The following TLE4 variants were observed in gnomAD, a reference collection of about 807,000 sequenced individuals.
The protein encoded by TLE4 is TLE family member 4, transcriptional corepressor.
TLE4 carries 8 observed loss-of-function variants against 92.8 expected under a neutral mutation model. That is an observed-to-expected ratio of 0.09 (90% CI 0.05 to 0.16). The LOEUF (loss-of-function observed/expected upper bound fraction) is 0.16. Ranked by LOEUF, TLE4 falls within the 10% of genes least tolerant of loss-of-function variation. The probability of loss-of-function intolerance (pLI) is 1.00; values close to 1 mark genes in which losing one functional copy is unlikely to be tolerated. For synonymous variants in TLE4, 371 were observed against 374.1 expected (o/e 0.99, Z 0.10); for missense variants, 675 against 997.6 (o/e 0.68, Z 4.36).
chr9:79,617,868 A>C (rs1180368310), intron 5 of TLE4, among the ~76,000 whole-genome samples: 1 of 151,482 alleles, frequency 6.6e-6, no homozygotes, highest in Non-Finnish European at 1.5e-5. Flanking sequence ...TCTCTCATGT[A>C]ATAGTAACAG....
intron 6 of TLE4, among the ~76,000 whole-genome samples, chr9:79,638,027 C>T (rs761770090): frequency 1.2e-4 from 18 of 152,196 alleles, no homozygotes; most frequent in Middle Eastern, 6.8e-3. Flanking sequence ...AATATTTGCC[C>T]GTAGCAGCGT....
chr9:79,638,316 T>TC (rs1377913555), intron 6 of TLE4, among the ~76,000 whole-genome samples: 5 of 152,158 alleles, frequency 3.3e-5, no homozygotes, highest in Admixed American at 2.6e-4. Flanking sequence ...GCTCTATACT[T>TC]CTCTGCTTCT....
chr9:79,696,719 G>A (rs1198015441), intron 8 of TLE4, among the ~76,000 whole-genome samples: 1 of 152,116 alleles, frequency 6.6e-6, no homozygotes, highest in Non-Finnish European at 1.5e-5. Context: ...CTAAAATGAA[G>A]ATTCTGGTCC....
rs1379028647 is a variant in TLE4 at position 79,635,183 on chromosome 9, A to C, written c.390+7735A>C. On this transcript the variant is annotated intron_variant, in intron 6 of 19. Coordinates refer to ENST00000376552, the MANE Select transcript of TLE4 (RefSeq NM_007005.6). Reference sequence around the variant, plus strand: ...ATTTTAGCCATCCTAATAGGTGCATAATAGTACTTACTGTGTTTTTTATGC... The same window carrying C: ...ATTTTAGCCATCCTAATAGGTGCATCATAGTACTTACTGTGTTTTTTATGC... Among the ~76,000 whole-genome samples the C allele has an allele frequency of 3.3e-5, 5 of 152,164 alleles. No individual in the cohort carries two copies. In the East Asian group the frequency reaches 9.6e-4, roughly 29 times the overall value.
At chr9:79,642,328 G>A (rs1341651879) in intron 6 of TLE4, among the ~76,000 whole-genome samples, 2 of 151,920 alleles carry the variant, frequency 1.3e-5, no homozygotes, top group African/African-American at 4.8e-5. Context: ...TAATCATAGG[G>A]CACCACAGCC....
intron 15 of TLE4, 80 bp downstream of exon 15, chr9:79,719,051 C>T: frequency 6.5e-7 from 1 of 1,529,310 alleles, no homozygotes; most frequent in Non-Finnish European, 8.8e-7. Flanking sequence ...TATGTATGAG[C>T]AACACCACAC....
chr9:79,680,587 C>G (rs1026833953), intron 8 of TLE4, among the ~76,000 whole-genome samples: 11 of 152,208 alleles, frequency 7.2e-5, no homozygotes, highest in Non-Finnish European at 1.0e-4. Context: ...GAGGATTTGA[C>G]TTCCTCTTTT....
intron 6 of TLE4, among the ~76,000 whole-genome samples, chr9:79,642,626 A>G (rs1483755161): frequency 5.3e-5 from 8 of 152,292 alleles, no homozygotes; most frequent in Non-Finnish European, 1.0e-4. Context: ...TTTGCTTAGA[A>G]GTACAATTAC....
Position 79,635,358 on chromosome 9 carries a change from T to C in TLE4, c.390+7910T>C, listed in dbSNP as rs373347363. On this transcript the variant is annotated intron_variant, in intron 6 of 19. Transcript: ENST00000376552. ...CTTTAATTTTCTGGATTTTTTTGTGTATTTTGTAATTCTCCCAATCTATAG... is the reference window on the plus strand; with the variant it reads ...CTTTAATTTTCTGGATTTTTTTGTGCATTTTGTAATTCTCCCAATCTATAG... Among the ~76,000 whole-genome samples the C allele has an allele frequency of 1.0e-3, 152 of 152,218 alleles. No individual in the cohort carries two copies. In the Middle Eastern group the frequency reaches 0.02, roughly 20 times the overall value.
At chr9:79,599,059 CTT>C (rs898538743) in intron 4 of TLE4, among the ~76,000 whole-genome samples, 40 of 152,286 alleles carry the variant, frequency 2.6e-4, no homozygotes, top group African/African-American at 7.9e-4. Flanking sequence ...TTATAAATCT[CTT>C]CTTTCCGTCC....
At chr9:79,643,160 C>A (rs957137246) in intron 6 of TLE4, among the ~76,000 whole-genome samples, 1 of 152,176 alleles carries the variant, frequency 6.6e-6, no homozygotes, top group African/African-American at 2.4e-5. Context: ...AATAGTAGAG[C>A]AAACACTGTA....
Position 79,629,620 on chromosome 9 carries a change from G to T in TLE4, c.390+2172G>T, listed in dbSNP as rs193004721. On this transcript the variant is annotated intron_variant, in intron 6 of 19. Coordinates refer to ENST00000376552, the MANE Select transcript of TLE4 (RefSeq NM_007005.6). ...ATATACTTGGATATAGTTGGATATAGTTGGATCTGATGAGTCTTCCAAACT... is the reference window on the plus strand; with the variant it reads ...ATATACTTGGATATAGTTGGATATATTTGGATCTGATGAGTCTTCCAAACT... 8.5e-4 allele frequency among the ~76,000 whole-genome samples: 130 copies of T among 152,346 alleles called. 2 individuals carry two copies. Among genetic ancestry groups the T allele is most frequent in the Non-Finnish European group, 1.2e-4 (8 of 68,036 alleles).
chr9:79,620,826 G>C (rs974572675), intron 5 of TLE4, among the ~76,000 whole-genome samples: 6 of 152,126 alleles, frequency 3.9e-5, no homozygotes, highest in African/African-American at 1.4e-4. Context: ...TGGCTTCTGG[G>C]GAGGACTCAG....
chr9:79,640,906 T>G (rs1317999597), intron 6 of TLE4, among the ~76,000 whole-genome samples: 1 of 152,180 alleles, frequency 6.6e-6, no homozygotes, highest in African/African-American at 2.4e-5. Context: ...CTTGGTGGTC[T>G]TCTTTATATA....
chr9:79,573,400 T>C, intron 1 of TLE4: 1 of 1,189,866 alleles, frequency 8.4e-7, no homozygotes, highest in Non-Finnish European at 1.1e-6. Context: ...GGCGCGCGGG[T>C]CCCTGGGTGC....
chr9:79,640,195 T>C (rs1274321612), intron 6 of TLE4, among the ~76,000 whole-genome samples: 1 of 152,116 alleles, frequency 6.6e-6, no homozygotes, highest in Non-Finnish European at 1.5e-5. Flanking sequence ...GCCATATGAA[T>C]ACAATGGCAT....
At chr9:79,573,963 A>G (rs1173507508) in intron 2 of TLE4, 177 bp downstream of exon 2, 3 of 406,566 alleles carry the variant, frequency 7.4e-6, no homozygotes, top group Non-Finnish European at 1.3e-5. Flanking sequence ...GGTGTAAATA[A>G]ATTAAACATT....
At chr9:79,613,990 A>G (rs1588075448) in intron 5 of TLE4, among the ~76,000 whole-genome samples, 2 of 152,074 alleles carry the variant, frequency 1.3e-5, no homozygotes, top group Non-Finnish European at 2.9e-5. Flanking sequence ...AAAACCTACC[A>G]CCAGTCATGT....
At chr9:79,670,945 G>A (rs2062221168) in intron 8 of TLE4, among the ~76,000 whole-genome samples, 1 of 151,510 alleles carries the variant, frequency 6.6e-6, no homozygotes, top group Non-Finnish European at 1.5e-5. Flanking sequence ...ATTCTTTGGA[G>A]GGTTAATATT....
Sources: allele counts gnomAD v4.1 joint callset (sites outside exome capture counted in the v4.1 genomes callset), GRCh38; gene constraint gnomAD v4.1.1; transcripts MANE v1.5; gene names NCBI Gene and HGNC (gene_info 2026-07-23, HGNC 2026-07-21).